ANKRD42: variants seen among roughly 807,000 people sequenced by gnomAD.
ANKRD42 encodes the protein ankyrin repeat domain 42.
In ANKRD42, 43 loss-of-function variants were observed where a neutral mutation model predicts 51.5. The observed-to-expected ratio is 0.83, with a 90% CI of 0.65 to 1.08. The LOEUF (loss-of-function observed/expected upper bound fraction) is 1.08. ANKRD42 is among the 50% of genes least tolerant of loss of function. The pLI, the probability that ANKRD42 is intolerant of heterozygous loss-of-function variation, is 0.00. For missense variants in ANKRD42, 608 were observed against 629.3 expected, an observed-to-expected ratio of 0.97 and a Z score of 0.36; for synonymous variants, 203 against 213.0, an observed-to-expected ratio of 0.95 and a Z score of 0.41.
At chr11:83,225,696 C>T (rs1862858383) in intron 6 of ANKRD42, among the ~76,000 whole-genome samples, 2 of 150,162 alleles carry the variant, frequency 1.3e-5, no homozygotes, top group South Asian at 2.1e-4. Context: ...AGGAGAATCA[C>T]CTGAACCTGG....
At chr11:83,204,978 G>GA (rs1365736592) in intron 2 of ANKRD42, among the ~76,000 whole-genome samples, 2 of 151,762 alleles carry the variant, frequency 1.3e-5, no homozygotes, top group African/African-American at 2.4e-5. Flanking sequence ...AAGAATAGCA[G>GA]AAAAAACAAA....
intron 8 of ANKRD42, among the ~76,000 whole-genome samples, chr11:83,240,411 G>A (rs901348174): frequency 1.3e-5 from 2 of 152,176 alleles, no homozygotes; most frequent in Non-Finnish European, 2.9e-5. Context: ...AATAACTGTA[G>A]GTAATCAAGG....
intron 5 of ANKRD42, among the ~76,000 whole-genome samples, chr11:83,216,470 G>C (rs111695761): frequency 6.6e-6 from 1 of 151,948 alleles, no homozygotes; most frequent in Non-Finnish European, 1.5e-5. Flanking sequence ...GACTACAGGC[G>C]CCCGCCACCT....
At chr11:83,255,653 G>A (rs1863757413) in intron 11 of ANKRD42, among the ~76,000 whole-genome samples, 1 of 152,074 alleles carries the variant, frequency 6.6e-6, no homozygotes, top group African/African-American at 2.4e-5. Flanking sequence ...CTAGTGATAT[G>A]ATTCAGCACA....
intron 7 of ANKRD42, among the ~76,000 whole-genome samples, chr11:83,233,420 C>G (rs2135540980): frequency 6.6e-6 from 1 of 152,110 alleles, no homozygotes; most frequent in East Asian, 1.9e-4. Context: ...TCTGCAGTAT[C>G]AGTTGTAATG....
In ANKRD42 at chr11:83,206,186, A is replaced by G. The variant is rs753609806; in HGVS notation, c.330+21A>G. The G allele has an allele frequency of 4.5e-6, 7 of 1,551,780 alleles. No homozygotes were observed. The Admixed American group carries it at 1.0e-4, about 23-fold the overall frequency. ...TACAGGTAATAATATTACTTTTTTC[A>G]GTAAGTTCAATTACTTTAACATAGT... is the stretch of plus-strand genomic sequence containing the variant. On this transcript the variant is annotated intron_variant, in intron 3 of 10. Transcript: ENST00000533342.
chr11:83,202,803 A>G lies in ANKRD42; in HGVS notation c.223-3255A>G, dbSNP rs146280220. 3.6e-3 allele frequency among the ~76,000 whole-genome samples: 549 copies of G among 152,298 alleles called. 6 individuals carry two copies. Among genetic ancestry groups the G allele is most frequent in the African/African-American group, 0.013 (531 of 41,546 alleles). ...ATTAGATTTTGAGCTCTTTGAAGAT[A>G]CCATTTGAGTCTCATTCATCTTTTT... On this transcript the variant is annotated intron_variant, in intron 2 of 10. Transcript: ENST00000533342.
intron 5 of ANKRD42, chr11:83,214,665 G>A (rs900266876): frequency 1.6e-6 from 1 of 644,676 alleles, no homozygotes; most frequent in Non-Finnish European, 1.9e-6. Context: ...ATTTGATAAT[G>A]TATAAAGATC....
At chr11:83,242,820 C>T (rs907716444) in intron 9 of ANKRD42, among the ~76,000 whole-genome samples, 2 of 152,074 alleles carry the variant, frequency 1.3e-5, no homozygotes, top group Non-Finnish European at 2.9e-5. Context: ...GTCTTGGCCT[C>T]CCGAAGTGCT....
chr11:83,259,375 T>G (rs1463763287), downstream of ANKRD42: 1 of 152,192 alleles, frequency 6.6e-6, no homozygotes, highest in Non-Finnish European at 1.5e-5. Context: ...GATCTAAAAG[T>G]AATGGGGACA....
chr11:83,209,758 A>G (rs1222062219), intron 3 of ANKRD42: 3 of 639,722 alleles, frequency 4.7e-6, no homozygotes, highest in East Asian at 2.8e-5. Flanking sequence ...AAGATGTTCA[A>G]TGTACTGTTT....
intron 11 of ANKRD42, among the ~76,000 whole-genome samples, chr11:83,255,032 G>C (rs1302356674): frequency 3.9e-5 from 6 of 152,136 alleles, no homozygotes; most frequent in Non-Finnish European, 4.4e-5. Flanking sequence ...ACACACTATT[G>C]AGTTAAACTA....
Position 83,248,261 on chromosome 11 carries a change from T to C in ANKRD42, c.*57T>C. On this transcript the variant is annotated 3_prime_UTR_variant, in exon 11 of 11. Transcript: ENST00000533342. ...CAACTATAAACTGGAGATGATAACT[T>C]ATACTTTCTAGAGCTGATGACAGGA... 1 of 1,443,426 alleles carries C rather than the reference T, an allele frequency of 6.9e-7. No individual in the cohort carries two copies. The highest frequency in any genetic ancestry group is 9.1e-7 in the Non-Finnish European group (1 of 1,103,864). The allele number at this position is 1,443,426 out of a possible 1,614,324, so 89.4% of individuals were successfully genotyped here.
chr11:83,200,785 A>G (rs1392765001), intron 2 of ANKRD42, among the ~76,000 whole-genome samples: 1 of 152,200 alleles, frequency 6.6e-6, no homozygotes, highest in Non-Finnish European at 1.5e-5. Context: ...ATATTACTTG[A>G]GACCTTCCTT....
At chr11:83,243,967 CTTTTTTTT>C (rs66756456) in intron 9 of ANKRD42, among the ~76,000 whole-genome samples, 64 of 66,956 alleles carry the variant, frequency 9.6e-4, no homozygotes, top group Non-Finnish European at 1.4e-3. Context: ...CCTGGCTGCC[CTTTTTTTT>C]TTTTTTTTTT....
chr11:83,235,509 A>G (rs1032357489), intron 7 of ANKRD42, among the ~76,000 whole-genome samples: 8 of 152,228 alleles, frequency 5.3e-5, no homozygotes, highest in African/African-American at 9.6e-5. Context: ...CAGAGCTAAG[A>G]TTGCATTTTT....
downstream of ANKRD42, among the ~76,000 whole-genome samples, chr11:83,258,433 T>C (rs1863809756): frequency 6.6e-6 from 1 of 152,146 alleles, no homozygotes; most frequent in African/African-American, 2.4e-5. Context: ...AGTACTCAGG[T>C]TGAACCCTAC....
intron 6 of ANKRD42, 67 bp from the exon 7 acceptor site, chr11:83,227,680 A>G: frequency 2.0e-6 from 3 of 1,499,172 alleles, no homozygotes; most frequent in Non-Finnish European, 8.9e-7. Flanking sequence ...GAAATATATG[A>G]CAGCTTAAGA....
chr11:83,258,426 AC>A (rs780273916), downstream of ANKRD42, among the ~76,000 whole-genome samples: 1 of 152,132 alleles, frequency 6.6e-6, no homozygotes, highest in Non-Finnish European at 1.5e-5. Flanking sequence ...GAGAAAGAGT[AC>A]TCAGGTTGAA....
Sources: allele counts gnomAD v4.1 joint callset (sites outside exome capture counted in the v4.1 genomes callset), GRCh38; gene constraint gnomAD v4.1.1; transcripts MANE v1.5; gene names NCBI Gene and HGNC (gene_info 2026-07-23, HGNC 2026-07-21).